CCDC158: variants seen among roughly 807,000 people sequenced by gnomAD.
CCDC158 encodes the protein coiled-coil domain-containing protein 158.
CCDC158 carries 116 observed loss-of-function variants against 138.6 expected under a neutral mutation model. The ratio of observed to expected loss-of-function variants is 0.84; its 90% CI spans 0.72 to 0.98. CCDC158 has a LOEUF of 0.98. Ranked by LOEUF, CCDC158 falls within the 50% of genes least tolerant of loss-of-function variation. The probability of loss-of-function intolerance (pLI) is 0.00; values close to 1 mark genes in which losing one functional copy is unlikely to be tolerated. For missense variants in CCDC158, 1,265 were observed against 1,306.1 expected (o/e 0.97, Z 0.48); for synonymous variants, 436 against 442.4 (o/e 0.99, Z 0.18).
chr4:76,350,201 A>G (rs1284132176), intron 18 of CCDC158, among the ~76,000 whole-genome samples: 2 of 152,134 alleles, frequency 1.3e-5, no homozygotes, highest in African/African-American at 4.8e-5. Flanking sequence ...TTATTATTCT[A>G]TTGTTTGATA....
chr4:76,323,388 T>G lies in CCDC158; in HGVS notation c.3191A>C (p.Glu1064Ala). The stretch of plus-strand genomic sequence containing the variant: ...CTTCCTGCATGTTTTTCCTGTTGTT[T>G]CTATTGGCGGAGACTGTGAATCTAT... Reference protein sequence around the residue: ...SVKDSQSPPIETTGKTCRKLQ... With the variant: ...SVKDSQSPPIATTGKTCRKLQ... Residue 1064 changes from glutamate (E) to alanine (A), a missense_variant, in exon 24 of 25, where the codon GAA (glutamate) becomes GCA (alanine). Transcript: ENST00000682701. 2 of 1,611,766 alleles carry G rather than the reference T, an allele frequency of 1.2e-6. No homozygotes were observed. Among genetic ancestry groups the G allele is most frequent in the Non-Finnish European group, 1.7e-6 (2 of 1,178,898 alleles).
At chr4:76,371,004 G>C (rs966602154) in intron 10 of CCDC158, among the ~76,000 whole-genome samples, 1 of 152,116 alleles carries the variant, frequency 6.6e-6, no homozygotes, top group Non-Finnish European at 1.5e-5. Flanking sequence ...GGACAGAGTG[G>C]CTTCATTATG....
chr4:76,331,098 G>A (rs917698083), intron 21 of CCDC158, among the ~76,000 whole-genome samples: 5 of 152,028 alleles, frequency 3.3e-5, no homozygotes, highest in African/African-American at 1.2e-4. Context: ...TAGAGGGCTC[G>A]GATATCTCTG....
At chr4:76,323,514 C>CT (rs1335848175) in intron 23 of CCDC158, 105 bp from the exon 24 acceptor site, 8 of 791,608 alleles carry the variant, frequency 1.0e-5, no homozygotes, top group Non-Finnish European at 1.6e-5. Flanking sequence ...ATAAAGGGAA[C>CT]TTTTTTTCAT....
intron 15 of CCDC158, among the ~76,000 whole-genome samples, chr4:76,354,660 A>G (rs1723368315): frequency 6.6e-6 from 1 of 152,188 alleles, no homozygotes; most frequent in South Asian, 2.1e-4. Context: ...ACACAGCAGC[A>G]TAGGAATACA....
chr4:76,316,324 G>A (rs1259219258), intron 24 of CCDC158, among the ~76,000 whole-genome samples: 1 of 152,162 alleles, frequency 6.6e-6, no homozygotes, highest in African/African-American at 2.4e-5. Context: ...ACTGGAAAGT[G>A]TCAACAATAG....
intron 1 of CCDC158, among the ~76,000 whole-genome samples, chr4:76,415,840 G>A (rs962956532): frequency 2.6e-5 from 4 of 152,140 alleles, no homozygotes; most frequent in South Asian, 2.1e-4. Context: ...TAGTGGTAGC[G>A]TCAGTGTCAA....
intron 3 of CCDC158, among the ~76,000 whole-genome samples, chr4:76,402,747 C>T (rs1269357112): frequency 6.6e-6 from 1 of 152,132 alleles, no homozygotes; most frequent in Non-Finnish European, 1.5e-5. Context: ...ATTCAAGAGA[C>T]ATTTCAAAGG....
At chr4:76,358,964 T>A (rs1395771546) in intron 13 of CCDC158, among the ~76,000 whole-genome samples, 3 of 152,196 alleles carry the variant, frequency 2.0e-5, no homozygotes, top group Non-Finnish European at 4.4e-5. Flanking sequence ...CCTGTTGTAA[T>A]TCTTAGTGTT....
intron 24 of CCDC158, among the ~76,000 whole-genome samples, chr4:76,320,046 A>T (rs1482232213): frequency 6.6e-6 from 1 of 152,112 alleles, no homozygotes; most frequent in African/African-American, 2.4e-5. Flanking sequence ...GAAAACCTTA[A>T]AGACTCATCC....
At chr4:76,419,046 T>C (rs1031822371) in intron 1 of CCDC158, among the ~76,000 whole-genome samples, 5 of 152,188 alleles carry the variant, frequency 3.3e-5, no homozygotes, top group Admixed American at 2.6e-4. Flanking sequence ...TTACTTGATA[T>C]ACACACAATG....
chr4:76,407,380 A>T (rs1728916124), intron 2 of CCDC158: 1 of 151,280 alleles, frequency 6.6e-6, no homozygotes, highest in African/African-American at 2.4e-5. Flanking sequence ...ATGTTAGTCA[A>T]GATTGCTAGG....
In CCDC158 at chr4:76,364,647, T is replaced by C. The variant is rs188948237; in HGVS notation, c.1831-2332A>G. Among the ~76,000 whole-genome samples, 421 of 152,362 alleles carry C rather than the reference T, an allele frequency of 2.8e-3. 2 individuals carry two copies. The highest frequency in any genetic ancestry group is 9.2e-3 in the African/African-American group (382 of 41,584). ...AATTATATATGTCACTTACACTGTA[T>C]TTCTGGTGGACAGAACTGACCTAGA... On this transcript the variant is annotated intron_variant, in intron 12 of 24. Transcript: ENST00000682701.
At chr4:76,373,682 C>G (rs980130220) in intron 9 of CCDC158, among the ~76,000 whole-genome samples, 3 of 152,078 alleles carry the variant, frequency 2.0e-5, no homozygotes, top group Admixed American at 2.0e-4. Context: ...TCCACATATA[C>G]ATATATGACT....
At chr4:76,331,177 T>A (rs922855809) in intron 21 of CCDC158, among the ~76,000 whole-genome samples, 167 bp downstream of exon 21, 1 of 152,224 alleles carries the variant, frequency 6.6e-6, no homozygotes, top group African/African-American at 2.4e-5. Context: ...AAAGACAGAC[T>A]TCACGATTGT....
At chr4:76,399,080 G>A (rs1728093689) in intron 3 of CCDC158, among the ~76,000 whole-genome samples, 1 of 152,080 alleles carries the variant, frequency 6.6e-6, no homozygotes, top group Non-Finnish European at 1.5e-5. Flanking sequence ...GCACATTCAG[G>A]TTTTAAAGCA....
intron 24 of CCDC158, among the ~76,000 whole-genome samples, chr4:76,315,647 G>C (rs955638714): frequency 3.3e-5 from 5 of 152,208 alleles, no homozygotes; most frequent in African/African-American, 9.7e-5. Context: ...ATCACTGCTA[G>C]CATAATCAGT....
intron 18 of CCDC158, among the ~76,000 whole-genome samples, chr4:76,334,715 T>C (rs1721314870): frequency 6.6e-6 from 1 of 152,144 alleles, no homozygotes; most frequent in South Asian, 2.1e-4. Flanking sequence ...ATTTATAATA[T>C]AATAAGGAAT....
At chr4:76,388,251 C>G (rs9654174) in intron 4 of CCDC158, among the ~76,000 whole-genome samples, 4,482 of 152,142 alleles carry the variant, frequency 0.029, 221 homozygotes, top group African/African-American at 0.1. Context: ...CAGCCACAGT[C>G]GGGTAGAGCA....
Sources: gnomAD v4.1 joint callset for allele counts (sites outside exome capture counted in the v4.1 genomes callset) on GRCh38, gnomAD v4.1.1 for gene constraint, MANE v1.5 for transcripts, NCBI Gene and HGNC (gene_info 2026-07-23, HGNC 2026-07-21) for gene names.